The following RGL1 variants were observed in gnomAD, a reference collection of about 807,000 sequenced individuals.
RGL1 encodes ral guanine nucleotide dissociation stimulator like 1.
Under a neutral mutation model 95.2 loss-of-function variants are expected in RGL1, and 24 were observed. The ratio of observed to expected loss-of-function variants is 0.25; its 90% CI spans 0.18 to 0.35. RGL1 has a LOEUF of 0.35. Among genes scored for constraint, RGL1 ranks in the 10% least tolerant of loss-of-function variants. The probability of loss-of-function intolerance (pLI) is 1.00; values close to 1 mark genes in which losing one functional copy is unlikely to be tolerated. For missense variants in RGL1, 715 were observed against 936.3 expected (o/e 0.76, Z 3.08); for synonymous variants, 329 against 344.9 (o/e 0.95, Z 0.51).
intron 1 of RGL1, among the ~76,000 whole-genome samples, chr1:183,663,807 C>G (rs192747284): frequency 1.5e-4 from 23 of 150,988 alleles, no homozygotes; most frequent in Admixed American, 1.5e-3. Flanking sequence ...AGACTTGGAG[C>G]CAACCCAAAT....
chr1:183,663,423 A>G (rs563829398), intron 1 of RGL1, among the ~76,000 whole-genome samples: 1 of 145,546 alleles, frequency 6.9e-6, no homozygotes, highest in South Asian at 2.1e-4. Flanking sequence ...TACACTTCTT[A>G]AAAGAAGACA....
chr1:183,904,952 C>A lies in RGL1; in HGVS notation c.1453C>A (p.Leu485Ile), dbSNP rs758638631. 6.2e-7 allele frequency: 1 copy of A among 1,613,560 alleles called. No homozygotes were observed. Among genetic ancestry groups the A allele is most frequent in the East Asian group, 2.2e-5 (1 of 44,864 alleles). The change falls in exon 13 of 18, where the codon CTC (leucine) becomes ATC (isoleucine). Residue 485 changes from leucine to isoleucine, a missense_variant. Leu to Ile is a conservative substitution (Grantham distance 5, BLOSUM62 2). Around this residue, in one of 3 missense-constraint regions of RGL1, gnomAD observed 330 missense variants for 429.6 expected, o/e 0.77. Transcript: ENST00000360851. ...CATCCAGTGGTTCCAGAGGCAGCAGCTCCTGACAGAGGAGGAGAGGTGGGA... is the reference window on the plus strand; with the variant it reads ...CATCCAGTGGTTCCAGAGGCAGCAGATCCTGACAGAGGAGGAGAGGTGGGA... Reference protein sequence around the residue: ...KFIQWFQRQQLLTEEESYALS... With the variant: ...KFIQWFQRQQILTEEESYALS...
At chr1:183,637,835 G>C (rs1383493325) in intron 1 of RGL1, among the ~76,000 whole-genome samples, 2 of 152,098 alleles carry the variant, frequency 1.3e-5, no homozygotes, top group Non-Finnish European at 2.9e-5. Context: ...ATTTTAAAAA[G>C]CCATATACCA....
chr1:183,694,402 A>G (rs1190719212), intron 1 of RGL1, among the ~76,000 whole-genome samples: 1 of 152,252 alleles, frequency 6.6e-6, no homozygotes, highest in Non-Finnish European at 1.5e-5. Context: ...TATTCTTTAC[A>G]TTAAACATTG....
intron 1 of RGL1, among the ~76,000 whole-genome samples, chr1:183,675,268 A>G (rs901205435): frequency 1.3e-5 from 2 of 151,618 alleles, no homozygotes; most frequent in Non-Finnish European, 2.9e-5. Flanking sequence ...TTTTATTTAC[A>G]TAGGAAACAT....
At position 183,779,219 on chromosome 1, in the gene RGL1, CCTTCCT is replaced by C. The variant is rs1339434857; in HGVS notation, c.133-27155_133-27150del. Among the ~76,000 whole-genome samples the C allele has an allele frequency of 2.4e-3, 360 of 148,480 alleles. 1 individual carries two copies. The highest frequency in any genetic ancestry group is 8.6e-3 in the African/African-American group (346 of 40,072). On this transcript the variant is annotated intron_variant, in intron 2 of 18. Transcript: ENST00000304685. ...TCCTTCCTTCCTTCCTTCCTTCCTT[CCTTCCT>C]TCCCTCCCTCCCACCTTCCTTCCTC...
At chr1:183,840,474 C>G (rs1173074917) in intron 2 of RGL1, among the ~76,000 whole-genome samples, 28 of 152,100 alleles carry the variant, frequency 1.8e-4, no homozygotes, top group Admixed American at 1.8e-3. Flanking sequence ...TGTCAAAGTT[C>G]CATACTTTGG....
At chr1:183,902,835 C>G (rs1668105035) in intron 12 of RGL1, among the ~76,000 whole-genome samples, 1 of 152,148 alleles carries the variant, frequency 6.6e-6, no homozygotes, top group Non-Finnish European at 1.5e-5. Context: ...GATTAAATTA[C>G]TGGACGAGAA....
intron 2 of RGL1, among the ~76,000 whole-genome samples, chr1:183,843,618 G>C (rs553611982): frequency 9.2e-5 from 14 of 152,216 alleles, no homozygotes; most frequent in African/African-American, 3.4e-4. Flanking sequence ...CATCACTTTT[G>C]ATAAGAAGGA....
At chr1:183,715,513 C>G (rs1655558467) in intron 1 of RGL1, among the ~76,000 whole-genome samples, 1 of 152,118 alleles carries the variant, frequency 6.6e-6, no homozygotes, top group South Asian at 2.1e-4. Context: ...AGCCTTGTTT[C>G]TCAGGGTACT....
intron 1 of RGL1, among the ~76,000 whole-genome samples, chr1:183,723,168 T>G (rs1656110629): frequency 6.6e-6 from 1 of 152,072 alleles, no homozygotes; most frequent in East Asian, 1.9e-4. Flanking sequence ...AGATGAATCA[T>G]TAAAAAATAA....
rs142180592 is a variant in RGL1, at chr1:183,861,996, C to T, written c.348-4000C>T. Reference sequence around the variant, plus strand: ...ACATTTAAAGAGTTCTGGATTCCAACACTAGTCTAGTTTCTTTTCTGTAAA... The same window carrying T: ...ACATTTAAAGAGTTCTGGATTCCAATACTAGTCTAGTTTCTTTTCTGTAAA... On this transcript the variant is annotated intron_variant, in intron 3 of 17. Transcript: ENST00000360851. Among the ~76,000 whole-genome samples the T allele has an allele frequency of 1.4e-3, 217 of 152,278 alleles. 2 individuals carry two copies. Among genetic ancestry groups the T allele is most frequent in the African/African-American group, 5.0e-3 (209 of 41,566 alleles).
chr1:183,816,013 C>G (rs898212890), intron 2 of RGL1, among the ~76,000 whole-genome samples: 19 of 152,164 alleles, frequency 1.2e-4, no homozygotes, highest in Non-Finnish European at 7.4e-5. Context: ...ATCCCTCTCT[C>G]ATTTTGTACA....
chr1:183,700,799 C>T (rs1469365167), intron 1 of RGL1, among the ~76,000 whole-genome samples: 1 of 152,122 alleles, frequency 6.6e-6, no homozygotes, highest in Non-Finnish European at 1.5e-5. Context: ...CCACCTCGGC[C>T]TTCCAAAGTG....
intron 1 of RGL1, among the ~76,000 whole-genome samples, chr1:183,676,533 A>G (rs1317012417): frequency 6.6e-6 from 1 of 151,884 alleles, no homozygotes; most frequent in Non-Finnish European, 1.5e-5. Context: ...TGTATGAAAA[A>G]TTGGGACCTG....
intron 2 of RGL1, among the ~76,000 whole-genome samples, chr1:183,794,444 A>G (rs962699870): frequency 3.3e-5 from 5 of 152,378 alleles, no homozygotes; most frequent in African/African-American, 1.2e-4. Context: ...AAATGTTCCC[A>G]ACACAAATAA....
At chr1:183,657,058 G>T (rs149104960) in intron 1 of RGL1, among the ~76,000 whole-genome samples, 2 of 149,848 alleles carry the variant, frequency 1.3e-5, no homozygotes, top group African/African-American at 4.9e-5. Flanking sequence ...GTCTTTTGTA[G>T]TTCCATATGA....
chr1:183,891,613 C>CA (rs1292428919), intron 8 of RGL1, among the ~76,000 whole-genome samples: 6 of 152,068 alleles, frequency 3.9e-5, no homozygotes, highest in Admixed American at 3.9e-4. Flanking sequence ...TCCATACCTA[C>CA]AACCCTCAGC....
chr1:183,923,085 C>G (rs1367463251), intron 17 of RGL1, among the ~76,000 whole-genome samples: 1 of 152,202 alleles, frequency 6.6e-6, no homozygotes, highest in Non-Finnish European at 1.5e-5. Flanking sequence ...CAGGATAGGT[C>G]TCTTCTCCAA....
Sources: allele counts gnomAD v4.1 joint callset (sites outside exome capture counted in the v4.1 genomes callset), GRCh38; gene constraint gnomAD v4.1.1; regional missense constraint gnomAD v4.1.1; transcripts MANE v1.5; gene names NCBI Gene and HGNC (gene_info 2026-07-23, HGNC 2026-07-21).